SPOPL: variants seen among roughly 807,000 people sequenced by gnomAD.
SPOPL encodes speckle type BTB/POZ protein like.
In SPOPL, 23 loss-of-function variants were observed where a neutral mutation model predicts 53.8. The ratio of observed to expected loss-of-function variants is 0.43; its 90% CI spans 0.31 to 0.61. SPOPL has a LOEUF of 0.61. SPOPL is among the 20% of genes least tolerant of loss of function. The pLI, the probability that SPOPL is intolerant of heterozygous loss-of-function variation, is 0.12. For missense variants in SPOPL, 442 were observed against 466.9 expected (o/e 0.95, Z 0.49); for synonymous variants, 164 against 149.7 (o/e 1.10, Z -0.70).
chr2:138,555,131 GGTGTGTGTGTGTGTGTGTGT>G (rs61000380), intron 5 of SPOPL, among the ~76,000 whole-genome samples: 58 of 140,090 alleles, frequency 4.1e-4, no homozygotes, highest in African/African-American at 1.5e-3. Context: ...AGGGTAGGAG[GGTGTGTGTGTGTGTGTGTGT>G]GTGTGTGTGT....
chr2:138,567,729 G>A (rs998895803), intron 10 of SPOPL, among the ~76,000 whole-genome samples: 5 of 152,062 alleles, frequency 3.3e-5, no homozygotes, highest in South Asian at 2.1e-4. Flanking sequence ...AGAGATGAAC[G>A]GTGGAAATTA....
intron 1 of SPOPL, among the ~76,000 whole-genome samples, chr2:138,543,333 C>A (rs575744840): frequency 6.6e-6 from 1 of 152,306 alleles, no homozygotes; most frequent in East Asian, 1.9e-4. Flanking sequence ...AGAGTGTTTT[C>A]CCACTTGGTT....
intron 1 of SPOPL, among the ~76,000 whole-genome samples, chr2:138,534,112 CAAT>C (rs1684875995): frequency 6.6e-6 from 1 of 151,938 alleles, no homozygotes; most frequent in Non-Finnish European, 1.5e-5. Flanking sequence ...TTTAAAGAAA[CAAT>C]AGTTTTTCCT....
chr2:138,521,586 CAGTA>C (rs780165887), intron 1 of SPOPL, among the ~76,000 whole-genome samples: 1 of 151,908 alleles, frequency 6.6e-6, no homozygotes, highest in Non-Finnish European at 1.5e-5. Flanking sequence ...AGAACCCTGG[CAGTA>C]AGTGACAAGG....
intron 1 of SPOPL, among the ~76,000 whole-genome samples, chr2:138,518,046 C>CAAAAAAA (rs61662616): frequency 2.7e-4 from 18 of 67,654 alleles, no homozygotes; most frequent in South Asian, 5.6e-4. Flanking sequence ...GAAACTGTCT[C>CAAAAAAA]AAAAAAAAAA....
At chr2:138,513,091 G>C (rs142486463) in intron 1 of SPOPL, among the ~76,000 whole-genome samples, 169 of 152,300 alleles carry the variant, frequency 1.1e-3, no homozygotes, top group African/African-American at 4.0e-3. Flanking sequence ...GGAGAGCTTT[G>C]ATGTTAAAAT....
In SPOPL at chr2:138,571,963, T is replaced by C. The variant is rs532349204; in HGVS notation, c.*2883T>C. On this transcript the variant is annotated 3_prime_UTR_variant, in exon 11 of 11. Coordinates refer to ENST00000280098, the MANE Select transcript of SPOPL (RefSeq NM_001001664.3). ...AATAGTCATGTGTCATTGTCTTGAA[T>C]TGGTAATTGGAGAACCTTGCATGAA... 1.6e-3 allele frequency: 247 copies of C among 152,634 alleles called. 2 individuals are homozygous for C. In the South Asian group the frequency reaches 0.019, roughly 12 times the overall value. 9.5% of individuals were successfully genotyped at this position (152,634 alleles called of 1,614,324 possible). A position where few individuals can be genotyped will look rare whatever the true frequency, so the allele number is the denominator to read the frequency against.
At chr2:138,525,399 A>G (rs1174165303) in intron 1 of SPOPL, among the ~76,000 whole-genome samples, 1 of 152,228 alleles carries the variant, frequency 6.6e-6, no homozygotes, top group African/African-American at 2.4e-5. Context: ...GCCAAACTGT[A>G]TCAGGGTGGT....
chr2:138,556,315 CT>C (rs1685423074), intron 5 of SPOPL, among the ~76,000 whole-genome samples: 1 of 151,988 alleles, frequency 6.6e-6, no homozygotes, highest in Non-Finnish European at 1.5e-5. Context: ...CTTTTATTAC[CT>C]GATTTTTTGC....
intron 1 of SPOPL, among the ~76,000 whole-genome samples, chr2:138,503,723 G>A (rs1294275010): frequency 6.6e-6 from 1 of 152,174 alleles, no homozygotes; most frequent in African/African-American, 2.4e-5. Context: ...AATAAACAAA[G>A]TGAAAGTACT....
intron 1 of SPOPL, among the ~76,000 whole-genome samples, chr2:138,514,328 C>T (rs932718593): frequency 3.9e-5 from 6 of 152,224 alleles, no homozygotes; most frequent in East Asian, 1.9e-4. Context: ...AGAGGGCTTC[C>T]GTTTGAGTTT....
At chr2:138,564,605 A>G in intron 8 of SPOPL, 103 bp from the exon 9 acceptor site, 3 of 1,252,870 alleles carry the variant, frequency 2.4e-6, no homozygotes, top group Non-Finnish European at 2.2e-6. Context: ...ATAATCTTAA[A>G]TAATAATCTA....
chr2:138,558,549 G>A (rs1269001940), intron 5 of SPOPL, among the ~76,000 whole-genome samples: 4 of 151,978 alleles, frequency 2.6e-5, no homozygotes, highest in African/African-American at 4.8e-5. Context: ...GCATATCATA[G>A]GCTGTAATTT....
At chr2:138,544,695 G>A (rs1685153602) in intron 1 of SPOPL, among the ~76,000 whole-genome samples, 1 of 152,206 alleles carries the variant, frequency 6.6e-6, no homozygotes, top group Non-Finnish European at 1.5e-5. Context: ...GTGAGGTGAT[G>A]CCTCGCTCTG....
intron 3 of SPOPL, 137 bp from the exon 4 acceptor site, chr2:138,550,766 G>A (rs968455118): frequency 1.4e-6 from 2 of 1,389,498 alleles, no homozygotes; most frequent in Non-Finnish European, 9.8e-7. Context: ...GAACTGTGAG[G>A]ATGTTGACAG....
At chr2:138,503,613 G>A (rs1684152482) in intron 1 of SPOPL, among the ~76,000 whole-genome samples, 1 of 152,128 alleles carries the variant, frequency 6.6e-6, no homozygotes, top group Non-Finnish European at 1.5e-5. Flanking sequence ...CAGGGTTTTA[G>A]CCCACCATTT....
chr2:138,534,725 A>T (rs1429391209), intron 1 of SPOPL, among the ~76,000 whole-genome samples: 1 of 152,174 alleles, frequency 6.6e-6, no homozygotes, highest in African/African-American at 2.4e-5. Flanking sequence ...GAACACTTTT[A>T]TCAGTCCCAG....
chr2:138,504,988 C>T (rs1684182999), intron 1 of SPOPL, among the ~76,000 whole-genome samples: 1 of 152,092 alleles, frequency 6.6e-6, no homozygotes, highest in African/African-American at 2.4e-5. Context: ...TTAACTTCTG[C>T]AAAATCAGAC....
rs139813290 is a variant in SPOPL, at chr2:138,545,339, C to T, written c.-60-4818C>T. Among the ~76,000 whole-genome samples the T allele has an allele frequency of 5.9e-5, 9 of 152,148 alleles. No individual in the cohort carries two copies. The South Asian group carries it at 8.3e-4, about 14-fold the overall frequency. ...GGACCACCAAACTAGGGGAGGGAGC[C>T]GTAGTAAGCAGGTTTGTTAAAATGC... On this transcript the variant is annotated intron_variant, in intron 1 of 10. Coordinates refer to ENST00000280098, the MANE Select transcript of SPOPL (RefSeq NM_001001664.3).
Sources: gnomAD v4.1 joint callset for allele counts (sites outside exome capture counted in the v4.1 genomes callset) on GRCh38, gnomAD v4.1.1 for gene constraint, MANE v1.5 for transcripts, NCBI Gene and HGNC (gene_info 2026-07-23, HGNC 2026-07-21) for gene names.